USP8: variants seen among roughly 807,000 people sequenced by gnomAD.
USP8 encodes the protein ubiquitin specific peptidase 8.
A neutral mutation model predicts 130.0 loss-of-function variants in USP8; 27 were observed. The ratio of observed to expected loss-of-function variants is 0.21; its 90% CI spans 0.15 to 0.29. The LOEUF (loss-of-function observed/expected upper bound fraction) is 0.29. USP8 is among the 10% of genes least tolerant of loss of function. The probability of loss-of-function intolerance (pLI) is 1.00; values close to 1 mark genes in which losing one functional copy is unlikely to be tolerated. For synonymous variants in USP8, 392 were observed against 444.1 expected (o/e 0.88, Z 1.48); for missense variants, 1,029 against 1,312.2 (o/e 0.78, Z 3.33).
intron 6 of USP8, among the ~76,000 whole-genome samples, chr15:50,462,909 T>C (rs2051058131): frequency 6.6e-6 from 1 of 151,994 alleles, no homozygotes; most frequent in South Asian, 2.1e-4. Context: ...ATCCATCCTG[T>C]GGTCAAAGAC....
At chr15:50,424,885 T>C (rs2049655501) in intron 1 of USP8, among the ~76,000 whole-genome samples, 1 of 151,550 alleles carries the variant, frequency 6.6e-6, no homozygotes, top group Non-Finnish European at 1.5e-5. Flanking sequence ...CTCCTAAAAC[T>C]GTTTCCCAGT....
At position 50,439,140 on chromosome 15, in the gene USP8, A is replaced by G; in HGVS notation, c.67A>G (p.Lys23Glu). The change falls in exon 2 of 20, where the codon AAG becomes GAG. Residue 23 changes from lysine to glutamate, a missense_variant. Lys to Glu is a moderately conservative substitution (Grantham distance 56). Around this residue, in one of 4 missense-constraint regions of USP8, gnomAD observed 281 missense variants for 336.7 expected, o/e 0.83. Transcript: ENST00000307179. Reference protein sequence around the residue: ...LSSSLKDLNKKTEVKPEKIST... With the variant: ...LSSSLKDLNKETEVKPEKIST... ...TTCTTCACTAAAAGACCTTAATAAG[A>G]AGACAGAAGTTAAACCAGAGAAAAT... The G allele has an allele frequency of 1.3e-6, 2 of 1,586,558 alleles. No individual in the cohort carries two copies. The highest frequency in any genetic ancestry group is 1.7e-6 in the Non-Finnish European group (2 of 1,171,624).
intron 2 of USP8, among the ~76,000 whole-genome samples, 179 bp downstream of exon 2, chr15:50,439,356 C>A (rs983884763): frequency 6.6e-6 from 1 of 152,074 alleles, no homozygotes; most frequent in Admixed American, 6.6e-5. Flanking sequence ...ATATTCTGCT[C>A]ATATGCATAT....
At chr15:50,434,398 C>A (rs182151855) in intron 1 of USP8, among the ~76,000 whole-genome samples, 2 of 151,686 alleles carry the variant, frequency 1.3e-5, no homozygotes, top group South Asian at 2.1e-4. Flanking sequence ...CCACCACGCC[C>A]GGCTGCATTT....
chr15:50,447,714 C>T (rs960336314), intron 3 of USP8, among the ~76,000 whole-genome samples: 22 of 151,918 alleles, frequency 1.4e-4, no homozygotes, highest in African/African-American at 5.3e-4. Context: ...AGGCGCACGC[C>T]ACCATGCCTG....
chr15:50,490,345 C>T lies in USP8; in HGVS notation c.2054C>T (p.Pro685Leu). The T allele has an allele frequency of 6.2e-7, 1 of 1,613,918 alleles. No homozygotes were observed. The highest frequency in any genetic ancestry group is 8.5e-7 in the Non-Finnish European group (1 of 1,179,990). Residue 685 changes from proline to leucine, a missense_variant, in exon 14 of 20, where the codon CCT (proline) becomes CTT (leucine). Pro to Leu is a moderately conservative substitution (Grantham distance 98, BLOSUM62 -3). Coordinates refer to ENST00000307179, the MANE Select transcript of USP8 (RefSeq NM_005154.5). ...CATATGTACCCACCGGAAATGGCTC[C>T]TTCATCTGCACCTCCTTCCACCCCT... ...TVHMYPPEMAPSSAPPSTPPT... is the reference protein window; with the variant it reads ...TVHMYPPEMALSSAPPSTPPT...
chr15:50,465,758 T>G (rs1443531099), intron 7 of USP8, among the ~76,000 whole-genome samples: 2 of 152,216 alleles, frequency 1.3e-5, no homozygotes, highest in Non-Finnish European at 2.9e-5. Context: ...ACACAAATAC[T>G]TTGTGTGTGC....
intron 1 of USP8, among the ~76,000 whole-genome samples, chr15:50,438,080 G>A (rs1292300300): frequency 6.6e-6 from 1 of 152,192 alleles, no homozygotes; most frequent in South Asian, 2.1e-4. Flanking sequence ...GAAGGGATGA[G>A]TACCAATAAA....
In USP8 at chr15:50,494,017, C is replaced by G. The variant is rs1248674297; in HGVS notation, c.2448-53C>G. ...GACATCAAGAATCTACTGTACCTTG[C>G]TTAACTTTTAAATTTCCTTTATTGT... On this transcript the variant is annotated intron_variant, in intron 15 of 19. Coordinates refer to ENST00000307179, the MANE Select transcript of USP8 (RefSeq NM_005154.5). 1.9e-6 allele frequency: 3 copies of G among 1,580,842 alleles called. No homozygotes were observed. In the African/African-American group the frequency reaches 4.1e-5, roughly 21 times the overall value.
intron 1 of USP8, among the ~76,000 whole-genome samples, chr15:50,428,207 G>C (rs955148524): frequency 2.6e-5 from 4 of 151,492 alleles, no homozygotes; most frequent in East Asian, 2.0e-4. Context: ...CCCTCCGTCT[G>C]ATGGGTTCAA....
Position 50,500,492 on chromosome 15 carries a change from C to T in USP8, c.*1404C>T, listed in dbSNP as rs143383012. On this transcript the variant is annotated 3_prime_UTR_variant, in exon 20 of 20. Transcript: ENST00000307179. ...AGTGAACCAAGACCCATCTTCTGGA[C>T]GACAGATTTATCTTAAGATGAAAGG... The T allele has an allele frequency of 1.4e-4, 44 of 324,848 alleles. No individual in the cohort carries two copies. Among genetic ancestry groups the T allele is most frequent in the African/African-American group, 6.0e-4 (29 of 48,108 alleles). The allele number at this position is 324,848 out of a possible 1,614,324, so 20.1% of individuals were successfully genotyped here. A position where few individuals can be genotyped will look rare whatever the true frequency, so the allele number is the denominator to read the frequency against.
chr15:50,489,774 TA>T, intron 12 of USP8, 26 bp from the exon 13 acceptor site: 1 of 1,388,310 alleles, frequency 7.2e-7, no homozygotes, highest in Non-Finnish European at 9.4e-7. Context: ...AATTTTTTTT[TA>T]ATTTTTTTTA....
intron 8 of USP8, among the ~76,000 whole-genome samples, chr15:50,474,480 A>G (rs1467055871): frequency 2.0e-5 from 3 of 152,230 alleles, no homozygotes; most frequent in Non-Finnish European, 4.4e-5. Context: ...AGTATGGGAC[A>G]ATTATATGAA....
chr15:50,504,873 T>C lies in USP8; in HGVS notation c.*5785T>C, dbSNP rs1034496534. On this transcript the variant is annotated 3_prime_UTR_variant, in exon 20 of 20. Transcript: ENST00000307179. ...GGCGTGCACCTGTAATCCCAGCTAC[T>C]TGAGAGGCTGAAGCAGGAGAATCGC... The C allele has an allele frequency of 5.3e-5, 8 of 152,064 alleles. No individual in the cohort carries two copies. Among genetic ancestry groups the C allele is most frequent in the African/African-American group, 1.5e-4 (6 of 41,294 alleles). 9.4% of individuals were successfully genotyped at this position (152,064 alleles called of 1,614,324 possible).
chr15:50,438,673 A>G (rs190104426), intron 1 of USP8, among the ~76,000 whole-genome samples: 3 of 152,344 alleles, frequency 2.0e-5, no homozygotes, highest in East Asian at 3.9e-4. Context: ...TAAAAATTCC[A>G]TCTACTTATG....
intron 4 of USP8, 55 bp downstream of exon 4, chr15:50,449,540 AT>A: frequency 8.0e-7 from 1 of 1,254,202 alleles, no homozygotes. Flanking sequence ...TAAAAATAAT[AT>A]TTAAGATTTA....
At chr15:50,489,765 ATTTTT>A in intron 12 of USP8, 31 bp from the exon 13 acceptor site, 1 of 1,320,772 alleles carries the variant, frequency 7.6e-7, no homozygotes, top group East Asian at 2.9e-5. Flanking sequence ...TTTAAAAAAA[ATTTTT>A]TTTTAATTTT....
chr15:50,488,237 G>A (rs1259443376), intron 12 of USP8, among the ~76,000 whole-genome samples: 6 of 152,074 alleles, frequency 3.9e-5, no homozygotes, highest in African/African-American at 9.7e-5. Flanking sequence ...TTCAGTTTTG[G>A]TGCTTAGATC....
At position 50,468,763 on chromosome 15, in the gene USP8, C is replaced by T. The variant is rs533360508; in HGVS notation, c.687-2870C>T. 1.3e-3 allele frequency among the ~76,000 whole-genome samples: 202 copies of T among 152,138 alleles called. 3 individuals are homozygous for T. The highest frequency in any genetic ancestry group is 4.6e-3 in the African/African-American group (191 of 41,510). ...GTTTCCTTCTTTGTGTTCATAAGTT[C>T]TTACCGTTTAGCTCCCATATTCTTA... On this transcript the variant is annotated intron_variant, in intron 7 of 19. Transcript: ENST00000307179.
Sources: gnomAD v4.1 joint callset for allele counts (sites outside exome capture counted in the v4.1 genomes callset) on GRCh38, gnomAD v4.1.1 for gene constraint, gnomAD v4.1.1 regional missense constraint, MANE v1.5 for transcripts, NCBI Gene and HGNC (gene_info 2026-07-23, HGNC 2026-07-21) for gene names.